Variants in THRAP3 observed in about 807,000 individuals in gnomAD.
THRAP3 encodes the protein thyroid hormone receptor associated protein 3, also known as thyroid hormone receptor-associated protein 3.
THRAP3 carries 16 observed loss-of-function variants against 101.0 expected under a neutral mutation model. The ratio of observed to expected loss-of-function variants is 0.16; its 90% confidence interval spans 0.11 to 0.24. The LOEUF (loss-of-function observed/expected upper bound fraction) is 0.24, where lower values mean the gene tolerates loss of function less well. Among genes scored for constraint, THRAP3 ranks in the 10% least tolerant of loss-of-function variants. The pLI is 1.00. For missense variants in THRAP3, 989 were observed against 1,202.7 expected, an observed-to-expected ratio of 0.82 and a Z score of 2.63; for synonymous variants, 407 against 422.6, an observed-to-expected ratio of 0.96 and a Z score of 0.45.
chr1:36,266,306 A>G (rs549931277), intron 2 of THRAP3, among the ~76,000 whole-genome samples: 66 of 152,290 alleles, frequency 4.3e-4, no homozygotes, highest in African/African-American at 1.5e-3. Flanking sequence ...AGCCTGGGCA[A>G]CAGAGCCAGA....
chr1:36,270,505 C>T (rs1645575585), intron 2 of THRAP3, among the ~76,000 whole-genome samples: 2 of 151,486 alleles, frequency 1.3e-5, no homozygotes, highest in Non-Finnish European at 2.9e-5. Flanking sequence ...AGTAGATTTA[C>T]TGTGAGAAGA....
At chr1:36,271,614 T>TCC (rs1645592866) in intron 2 of THRAP3, among the ~76,000 whole-genome samples, 1 of 76,494 alleles carries the variant, frequency 1.3e-5, no homozygotes, top group Non-Finnish European at 2.8e-5. Context: ...TTTTTTTTTT[T>TCC]GAGATGCAGT....
intron 2 of THRAP3, among the ~76,000 whole-genome samples, chr1:36,280,428 A>C (rs1645715960): frequency 6.6e-6 from 1 of 152,244 alleles, no homozygotes; most frequent in Admixed American, 6.5e-5. Flanking sequence ...GAAACAAATA[A>C]GATACATACT....
intron 2 of THRAP3, among the ~76,000 whole-genome samples, chr1:36,267,131 G>T (rs1645524944): frequency 2.6e-5 from 4 of 152,084 alleles, no homozygotes; most frequent in Admixed American, 1.3e-4. Flanking sequence ...TGATCCACCC[G>T]CCTCGGCCTC....
At chr1:36,260,816 C>T (rs1402752898) in intron 2 of THRAP3, among the ~76,000 whole-genome samples, 4 of 131,966 alleles carry the variant, frequency 3.0e-5, no homozygotes, top group African/African-American at 5.8e-5. Context: ...AGCAAGACTA[C>T]GTCTCAAAAA....
At chr1:36,239,259 T>G (rs76577777) in intron 1 of THRAP3, among the ~76,000 whole-genome samples, 1 of 748 alleles carries the variant, frequency 1.3e-3, no homozygotes, top group Non-Finnish European at 0.036. Flanking sequence ...AGGCTGGTCT[T>G]TTTTTTTTTT....
At chr1:36,303,685 G>A in intron 11 of THRAP3, 111 bp from the exon 12 acceptor site, 1 of 1,525,712 alleles carries the variant, frequency 6.6e-7, no homozygotes. Context: ...CAAAAGGCTG[G>A]GTTAGGGCAC....
chr1:36,213,360 GC>G, the THRAP3 span, among the ~76,000 whole-genome samples: 1 of 152,028 alleles, frequency 6.6e-6, no homozygotes, highest in Non-Finnish European at 1.5e-5. Context: ...CCTAACTTTG[GC>G]CCAGGCACTG....
At chr1:36,285,515 A>C (rs1424186762) in intron 3 of THRAP3, among the ~76,000 whole-genome samples, 2 of 152,206 alleles carry the variant, frequency 1.3e-5, no homozygotes, top group African/African-American at 4.8e-5. Flanking sequence ...TTGCTCTACC[A>C]GAGTTATATA....
chr1:36,245,203 G>A (rs553900539), intron 1 of THRAP3, among the ~76,000 whole-genome samples: 4 of 142,052 alleles, frequency 2.8e-5, no homozygotes, highest in East Asian at 4.1e-4. Context: ...ATCTCACTCT[G>A]TTGCCCGGTC....
intron 2 of THRAP3, among the ~76,000 whole-genome samples, chr1:36,281,345 T>TAA (rs1645729135): frequency 6.6e-6 from 1 of 152,222 alleles, no homozygotes; most frequent in Non-Finnish European, 1.5e-5. Flanking sequence ...CCTCATTACT[T>TAA]TTATTAACAG....
intron 4 of THRAP3, chr1:36,287,929 G>A: frequency 1.0e-6 from 1 of 985,084 alleles, no homozygotes; most frequent in Non-Finnish European, 1.2e-6. Flanking sequence ...TGGCAGAGAG[G>A]TTACAGGGAA....
At chr1:36,301,421 C>G in intron 10 of THRAP3, 132 bp from the exon 11 acceptor site, 1 of 1,205,790 alleles carries the variant, frequency 8.3e-7, no homozygotes, top group Non-Finnish European at 1.1e-6. Flanking sequence ...GGCTGGAAAC[C>G]AGCTGACCAG....
In THRAP3 at chr1:36,287,083, T is replaced by C. The variant is rs751138766; in HGVS notation, c.853T>C (p.Ser285Pro). Reference protein sequence around the residue: ...PPLSSTSQMGSTLPSGAGYQS... With the variant: ...PPLSSTSQMGPTLPSGAGYQS... Reference sequence around the variant, plus strand: ...ACTTTCCAGCACATCCCAGATGGGCTCAACTCTGCCGAGTGGTGCCGGGTA... The same window carrying C: ...ACTTTCCAGCACATCCCAGATGGGCCCAACTCTGCCGAGTGGTGCCGGGTA... Residue 285 changes from serine (S) to proline (P), a missense_variant, in exon 4 of 12, where the codon TCA becomes CCA. Coordinates refer to ENST00000354618, the MANE Select transcript of THRAP3 (RefSeq NM_005119.4). 3.1e-6 allele frequency: 5 copies of C among 1,614,034 alleles called. No individual in the cohort carries two copies.
At chr1:36,289,014 C>G in intron 4 of THRAP3, 46 bp from the exon 5 acceptor site, 1 of 1,497,292 alleles carries the variant, frequency 6.7e-7, no homozygotes, top group Non-Finnish European at 8.9e-7. Context: ...TTAGAGCATG[C>G]TGTTAAGAAG....
chr1:36,236,276 A>C (rs1443833728), intron 1 of THRAP3, among the ~76,000 whole-genome samples: 1 of 151,330 alleles, frequency 6.6e-6, no homozygotes, highest in Middle Eastern at 3.4e-3. Flanking sequence ...CCAAACCTTT[A>C]TGTCTCTCCA....
At position 36,291,433 on chromosome 1, in the gene THRAP3, A is replaced by G. The variant is rs781149685; in HGVS notation, c.1805A>G (p.Lys602Arg). The G allele has an allele frequency of 2.3e-5, 37 of 1,614,132 alleles. No homozygotes were observed. The highest frequency in any genetic ancestry group is 3.1e-5 in the Non-Finnish European group (36 of 1,180,056). The part of the protein sequence containing the change: ...KLCRDLVHSN[K>R]KEQEFRSIFQ... The stretch of plus-strand genomic sequence containing the variant: ...TGCCGAGATCTAGTCCATAGCAACA[A>G]AAAGGAACAGGAGTTTCGTTCCATT... The change falls in exon 6 of 12, where the codon AAA (lysine) becomes AGA (arginine). Residue 602 changes from lysine (K) to arginine (R), a missense_variant. By Grantham distance (26) the Lys-to-Arg change is conservative (BLOSUM62 2). Transcript: ENST00000354618.
chr1:36,249,693 T>TGTGTGTGTGTGA (rs1386142729), intron 1 of THRAP3, among the ~76,000 whole-genome samples: 2 of 146,620 alleles, frequency 1.4e-5, no homozygotes. Context: ...TGAGTGTGTG[T>TGTGTGTGTGTGA]GTGTGTGTGT....
intron 1 of THRAP3, among the ~76,000 whole-genome samples, chr1:36,243,868 T>C (rs71516391): frequency 0.027 from 2,812 of 104,430 alleles, 120 homozygotes; most frequent in African/African-American, 0.092. Flanking sequence ...GCTGGCCGGG[T>C]GGGGGGCTGA....
Sources: gnomAD v4.1 joint callset for allele counts (sites outside exome capture counted in the v4.1 genomes callset) on GRCh38, gnomAD v4.1.1 for gene constraint, MANE v1.5 for transcripts, NCBI Gene and HGNC (gene_info 2026-07-23, HGNC 2026-07-21) for gene names.